MARF1: variants seen among roughly 807,000 people sequenced by gnomAD.
MARF1 encodes meiosis regulator and mRNA stability factor 1.
A neutral mutation model predicts 168.2 loss-of-function variants in MARF1; 24 were observed. That is an observed-to-expected ratio of 0.14 (90% CI 0.10 to 0.20). The LOEUF is 0.20. Ranked by LOEUF, MARF1 falls within the 10% of genes least tolerant of loss-of-function variation. MARF1 has a pLI of 1.00. For synonymous variants in MARF1, 868 were observed against 822.4 expected (o/e 1.06, Z -0.95); for missense variants, 1,744 against 2,143.6 (o/e 0.81, Z 3.68).
chr16:15,602,891 A>T (rs2032647462), intron 22 of MARF1: 1 of 269,166 alleles, frequency 3.7e-6, no homozygotes, highest in Non-Finnish European at 7.4e-6. Context: ...TGACACTAGC[A>T]TTCTTTAAAA....
rs751408088 is a variant in MARF1, at chr16:15,599,004, CCTG to C, written c.4831_4833del (p.Gln1611del). 5.0e-6 allele frequency: 8 copies of C among 1,609,768 alleles called. No individual in the cohort carries two copies. The East Asian group carries it at 1.6e-4, about 31-fold the overall frequency. On this transcript the variant is annotated inframe_deletion, in exon 26 of 27. Transcript: ENST00000396368. ...GAGTCGTCGGTCAGGCGGAGAAGCT[CCTG>C]CTCTGTGTGACTGGGCCCTGGGCAA...
intron 17 of MARF1, among the ~76,000 whole-genome samples, 165 bp from the exon 18 acceptor site, chr16:15,611,899 G>C (rs116731565): frequency 0.014 from 2,082 of 152,254 alleles, 55 homozygotes; most frequent in African/African-American, 0.048. Context: ...TGGTCAAAAG[G>C]AACAAATGTC....
chr16:15,625,877 G>T, intron 7 of MARF1, 77 bp from the exon 8 acceptor site: 1 of 1,196,298 alleles, frequency 8.4e-7, no homozygotes, highest in Non-Finnish European at 1.2e-6. Flanking sequence ...AACAATGGGT[G>T]ACCTCCAAAC....
In MARF1 at chr16:15,602,160, C is replaced by G. The variant is rs202124293; in HGVS notation, c.4457G>C (p.Ser1486Thr). Residue 1486 changes from serine to threonine, a missense_variant, in exon 23 of 27, where the codon AGT becomes ACT. Ser to Thr is a moderately conservative substitution (Grantham distance 58, BLOSUM62 1). This residue lies in a region of MARF1 where 313 missense variants were observed against 337.4 expected (regional missense o/e 0.93). Transcript: ENST00000396368. ...CACATTCTTTGCAAACAAATACAGA[C>G]TTGTGAGCTTCACACATTCTTCCAT... Reference protein sequence around the residue: ...DKMEECVKLTSLYLFAKNVRS... With the variant: ...DKMEECVKLTTLYLFAKNVRS... 3.7e-5 allele frequency: 60 copies of G among 1,614,196 alleles called. No homozygotes were observed. The African/African-American group carries it at 7.2e-4, about 19-fold the overall frequency.
intron 19 of MARF1, among the ~76,000 whole-genome samples, chr16:15,610,748 T>C (rs2033460951): frequency 1.3e-5 from 2 of 152,174 alleles, no homozygotes; most frequent in South Asian, 4.1e-4. Flanking sequence ...GATGCCCCTT[T>C]TTCCCCTTAG....
intron 15 of MARF1, 77 bp from the exon 16 acceptor site, chr16:15,616,082 G>A (rs1318871874): frequency 8.1e-7 from 1 of 1,240,510 alleles, no homozygotes; most frequent in African/African-American, 1.5e-5. Context: ...CTAAACAGAA[G>A]GCTTTGGTTT....
chr16:15,610,045 A>G (rs780291417), intron 19 of MARF1, among the ~76,000 whole-genome samples: 8 of 152,174 alleles, frequency 5.3e-5, no homozygotes, highest in South Asian at 4.1e-4. Flanking sequence ...TTAACATGAC[A>G]CACACCCAGG....
chr16:15,615,458 T>C (rs1336565446), intron 16 of MARF1, among the ~76,000 whole-genome samples: 1 of 152,056 alleles, frequency 6.6e-6, no homozygotes, highest in East Asian at 1.9e-4. Flanking sequence ...ACCCTGTCTC[T>C]ACTAAAAATA....
intron 13 of MARF1, among the ~76,000 whole-genome samples, chr16:15,620,121 T>C (rs2034348866): frequency 6.6e-6 from 1 of 152,090 alleles, no homozygotes; most frequent in Non-Finnish European, 1.5e-5. Flanking sequence ...GTTGAGATTG[T>C]GCCACTGCAC....
chr16:15,627,619 T>G (rs189001516), intron 7 of MARF1, among the ~76,000 whole-genome samples: 2 of 152,142 alleles, frequency 1.3e-5, no homozygotes, highest in Admixed American at 1.3e-4. Context: ...AAAAAATTTT[T>G]TTTAAATAAG....
At chr16:15,623,975 G>A (rs148186865) in intron 10 of MARF1, among the ~76,000 whole-genome samples, 22 of 147,378 alleles carry the variant, frequency 1.5e-4, no homozygotes, top group African/African-American at 2.5e-4. Flanking sequence ...GCAGTCATGC[G>A]ATCTGAGCTC....
intron 9 of MARF1, 38 bp from the exon 10 acceptor site, chr16:15,624,965 G>A: frequency 1.2e-6 from 2 of 1,613,670 alleles, no homozygotes; most frequent in South Asian, 1.1e-5. Flanking sequence ...AAGGTCATAT[G>A]TCTTCCTTCA....
chr16:15,599,154 TAAAAAAAAAAAA>T (rs565989147), intron 25 of MARF1, 130 bp from the exon 26 acceptor site: 1 of 297,700 alleles, frequency 3.4e-6, no homozygotes, highest in Non-Finnish European at 5.8e-6. Context: ...TTTAAGGTAT[TAAAAAAAAAAAA>T]AAAAAAAAAC....
At chr16:15,629,483 CT>C (rs1215388970) in intron 7 of MARF1, among the ~76,000 whole-genome samples, 1 of 152,168 alleles carries the variant, frequency 6.6e-6, no homozygotes, top group African/African-American at 2.4e-5. Context: ...TTTACTTTTT[CT>C]AAGAGCTGAT....
chr16:15,605,627 C>T (rs1470755586), intron 21 of MARF1, among the ~76,000 whole-genome samples: 1 of 152,092 alleles, frequency 6.6e-6, no homozygotes, highest in Non-Finnish European at 1.5e-5. Context: ...TTGGATCCAT[C>T]CCTTGATTCT....
At chr16:15,606,514 C>G (rs958201365) in intron 21 of MARF1, among the ~76,000 whole-genome samples, 2 of 152,122 alleles carry the variant, frequency 1.3e-5, no homozygotes, top group Admixed American at 6.5e-5. Context: ...ACCTTCTCCC[C>G]ACTCCTAAGT....
In MARF1 at chr16:15,609,529, A is replaced by G; in HGVS notation, c.3948T>C (p.Thr1316=). Residue 1316 remains threonine (T), a synonymous_variant, in exon 20 of 27, where the codon ACT becomes ACC. Transcript: ENST00000396368. ...TTAGAATTTCTTCACTCACTTGTAA[A>G]GTATCAGGTATGGCTTCAAAAAGTT... ...LLELFEAIPD[T]LQVLECGEEK... is the part of the protein sequence containing the mutation. The G allele has an allele frequency of 6.2e-7, 1 of 1,611,842 alleles. No individual in the cohort carries two copies. Among genetic ancestry groups the G allele is most frequent in the Non-Finnish European group, 8.5e-7 (1 of 1,178,220 alleles).
intron 22 of MARF1, among the ~76,000 whole-genome samples, chr16:15,603,772 ACTGGCTGGC>A (rs2032748821): frequency 4.6e-5 from 2 of 43,796 alleles, no homozygotes; most frequent in South Asian, 1.8e-3. Context: ...TGCCTGGGGG[ACTGGCTGGC>A]CAACCTTCCT....
intron 22 of MARF1, among the ~76,000 whole-genome samples, chr16:15,602,950 G>A (rs1489364233): frequency 6.6e-6 from 1 of 152,164 alleles, no homozygotes; most frequent in African/African-American, 2.4e-5. Flanking sequence ...GTGTATGCAG[G>A]GTAAGGAAGC....
Sources: gnomAD v4.1 joint callset for allele counts (sites outside exome capture counted in the v4.1 genomes callset) on GRCh38, gnomAD v4.1.1 for gene constraint, gnomAD v4.1.1 regional missense constraint, MANE v1.5 for transcripts, NCBI Gene and HGNC (gene_info 2026-07-23, HGNC 2026-07-21) for gene names.